The following MID1 variants were observed in gnomAD, a reference collection of about 807,000 sequenced individuals.
MID1 encodes midline 1.
Under a neutral mutation model 40.4 loss-of-function variants are expected in MID1, and 7 were observed. The ratio of observed to expected loss-of-function variants is 0.17; its 90% confidence interval spans 0.10 to 0.33. MID1 has a LOEUF of 0.33. Ranked by LOEUF, MID1 falls within the 10% of genes least tolerant of loss-of-function variation. The pLI is 1.00. For synonymous variants in MID1, 229 were observed against 221.2 expected, an observed-to-expected ratio of 1.04 and a Z score of -0.31; for missense variants, 367 against 558.5, an observed-to-expected ratio of 0.66 and a Z score of 3.46.
chrX:10,734,190 T>C (rs1410498287), intron 1 of MID1, among the ~76,000 whole-genome samples: 5 of 112,234 alleles, frequency 4.5e-5, no homozygotes, highest in Non-Finnish European at 7.5e-5. Flanking sequence ...ATACACACCA[T>C]GGAATACTAT....
chrX:10,732,008 C>G (rs2043453130), intron 1 of MID1, among the ~76,000 whole-genome samples: 1 of 100,436 alleles, frequency 1.0e-5, no homozygotes, highest in Non-Finnish European at 2.0e-5. Context: ...AACATACACT[C>G]AATGATATAA....
chrX:10,462,827 C>T (rs1316491981), intron 7 of MID1, among the ~76,000 whole-genome samples: 1 of 111,833 alleles, frequency 8.9e-6, no homozygotes, highest in Admixed American at 9.5e-5. Flanking sequence ...GGAGAGGCTG[C>T]ACACTGGTTT....
intron 1 of MID1, among the ~76,000 whole-genome samples, chrX:10,625,662 A>G (rs1935988456): frequency 1.8e-5 from 2 of 112,347 alleles, no homozygotes; most frequent in African/African-American, 6.5e-5. Flanking sequence ...TAATTTTGAG[A>G]TTAAGTGATT....
At chrX:10,571,611 C>T (rs892140080) in intron 1 of MID1, among the ~76,000 whole-genome samples, 4 of 109,064 alleles carry the variant, frequency 3.7e-5, no homozygotes, top group Admixed American at 9.8e-5. Context: ...TGGTTCATTC[C>T]GAGAGAGAAA....
At chrX:10,577,921 A>G (rs932536695) in intron 1 of MID1, among the ~76,000 whole-genome samples, 1 of 111,638 alleles carries the variant, frequency 9.0e-6, no homozygotes, top group Non-Finnish European at 1.9e-5. Flanking sequence ...GTAAATCATC[A>G]GGAAAGTGTT....
chrX:10,457,733 G>A (rs1181255616), intron 8 of MID1, among the ~76,000 whole-genome samples: 3 of 112,176 alleles, frequency 2.7e-5, no homozygotes, highest in South Asian at 3.7e-4. Flanking sequence ...GGAGGCTTTC[G>A]CGATCTGTTC....
chrX:10,518,310 A>G (rs902402599), intron 3 of MID1, among the ~76,000 whole-genome samples: 9 of 111,872 alleles, frequency 8.0e-5, no homozygotes, highest in African/African-American at 2.6e-4. Context: ...CTGACTTTCT[A>G]TTTACTAGTG....
intron 1 of MID1, among the ~76,000 whole-genome samples, chrX:10,613,957 A>G (rs1935797260): frequency 9.3e-6 from 1 of 107,681 alleles, no homozygotes; most frequent in African/African-American, 3.4e-5. Context: ...TTCGGATTTT[A>G]AGGAGCATTT....
chrX:10,498,598 C>G (rs930415102), intron 3 of MID1, among the ~76,000 whole-genome samples: 5 of 112,120 alleles, frequency 4.5e-5, no homozygotes, highest in Non-Finnish European at 9.4e-5. Context: ...TGTGTGCAGT[C>G]ACTCCACATT....
chrX:10,540,905 C>T (rs1254713758), intron 2 of MID1, among the ~76,000 whole-genome samples: 1 of 112,097 alleles, frequency 8.9e-6, no homozygotes, highest in Non-Finnish European at 1.9e-5. Context: ...AGGTGGATAA[C>T]GGTTCCTACA....
At chrX:10,761,228 C>T (rs1451946147) in intron 1 of MID1, among the ~76,000 whole-genome samples, 1 of 107,388 alleles carries the variant, frequency 9.3e-6, no homozygotes, top group Non-Finnish European at 1.9e-5. Flanking sequence ...ATCCCATGTT[C>T]AGCTCCTTCA....
chrX:10,797,794 C>G (rs936203361), intron 1 of MID1, among the ~76,000 whole-genome samples: 1 of 111,933 alleles, frequency 8.9e-6, no homozygotes, highest in Non-Finnish European at 1.9e-5. Context: ...CAAGCTGTCT[C>G]CATGAGACAA....
intron 1 of MID1, among the ~76,000 whole-genome samples, chrX:10,604,030 T>C (rs1231526008): frequency 8.9e-6 from 1 of 111,859 alleles, no homozygotes; most frequent in Non-Finnish European, 1.9e-5. Context: ...AGAGATGATG[T>C]CTTAATGCCA....
At chrX:10,663,581 G>A (rs1602503494) in intron 1 of MID1, among the ~76,000 whole-genome samples, 1 of 111,471 alleles carries the variant, frequency 9.0e-6, no homozygotes, top group African/African-American at 3.3e-5. Flanking sequence ...TTGTGGGCCA[G>A]AATGAAGTAC....
chrX:10,531,287 GT>G (rs767810968), intron 2 of MID1, among the ~76,000 whole-genome samples: 1 of 112,284 alleles, frequency 8.9e-6, no homozygotes, highest in Non-Finnish European at 1.9e-5. Flanking sequence ...TTTTAAAGAT[GT>G]TTTAATTGCA....
chrX:10,752,789 T>TA (rs763345913), intron 1 of MID1, among the ~76,000 whole-genome samples: 1 of 112,045 alleles, frequency 8.9e-6, no homozygotes, highest in African/African-American at 3.2e-5. Flanking sequence ...GGTTTTCTCT[T>TA]AAAAAAATTC....
chrX:10,636,643 A>C (rs1936113867), intron 1 of MID1, among the ~76,000 whole-genome samples: 1 of 107,206 alleles, frequency 9.3e-6, no homozygotes, highest in African/African-American at 3.4e-5. Flanking sequence ...ATTTTGTGCA[A>C]AGGAAGTTAC....
chrX:10,712,988 C>G (rs760227257), intron 1 of MID1, among the ~76,000 whole-genome samples: 2 of 110,868 alleles, frequency 1.8e-5, no homozygotes, highest in Non-Finnish European at 3.8e-5. Context: ...AGGCACGTGC[C>G]ACCACACCCG....
intron 1 of MID1, among the ~76,000 whole-genome samples, chrX:10,704,720 A>G (rs1389693534): frequency 3.6e-5 from 3 of 82,433 alleles, no homozygotes; most frequent in Admixed American, 1.3e-4. Context: ...GTGTGTGTAT[A>G]TATATATATA....
Sources: allele counts gnomAD v4.1 joint callset (sites outside exome capture counted in the v4.1 genomes callset), GRCh38; gene constraint gnomAD v4.1.1; transcripts MANE v1.5; gene names NCBI Gene and HGNC (gene_info 2026-07-23, HGNC 2026-07-21).